Variants in NRDE2 observed in about 807,000 individuals in gnomAD.
NRDE2 encodes NRDE-2, necessary for RNA interference, domain containing.
NRDE2 carries 76 observed loss-of-function variants against 124.2 expected under a neutral mutation model. The ratio of observed to expected loss-of-function variants is 0.61; its 90% CI spans 0.51 to 0.74. NRDE2 has a LOEUF of 0.74. NRDE2 is among the 30% of genes least tolerant of loss of function. The probability of loss-of-function intolerance (pLI) is 0.00; values close to 1 mark genes in which losing one functional copy is unlikely to be tolerated. For synonymous variants in NRDE2, 489 were observed against 528.1 expected (o/e 0.93, Z 1.01); for missense variants, 1,314 against 1,417.3 (o/e 0.93, Z 1.17).
At position 90,271,869 on chromosome 14, in the gene NRDE2, T is replaced by C. The variant is rs1460235436; in HGVS notation, c.*6467A>G. On this transcript the variant is annotated 3_prime_UTR_variant, in exon 14 of 14. Transcript: ENST00000354366. ...AAGCAATTTGTGTTTAGTCTAGGTGTCTCATGCTTTATTTCAGAACAGATT... is the reference window on the plus strand; with the variant it reads ...AAGCAATTTGTGTTTAGTCTAGGTGCCTCATGCTTTATTTCAGAACAGATT... 6.5e-6 allele frequency: 1 copy of C among 153,076 alleles called. No individual in the cohort carries two copies. The allele number at this position is 153,076 out of a possible 1,614,324, so 9.5% of individuals were successfully genotyped here.
In NRDE2 at chr14:90,301,322, T is replaced by C. The variant is rs1267718171; in HGVS notation, c.1462A>G (p.Lys488Glu). The change falls in exon 7 of 14, where the codon AAG (lysine) becomes GAG (glutamate). Residue 488 changes from lysine (K) to glutamate (E), a missense_variant. Coordinates refer to ENST00000354366, the MANE Select transcript of NRDE2 (RefSeq NM_017970.4). ...ATGGCCTGGAACAATGAGATGGCCTTCTCAGAGTGGCCAGCCTGCCGCAGA... is the reference window on the plus strand; with the variant it reads ...ATGGCCTGGAACAATGAGATGGCCTCCTCAGAGTGGCCAGCCTGCCGCAGA... ...HFLRQAGHSE[K>E]AISLFQAMVD... is the part of the protein sequence containing the mutation. 21 of 1,613,656 alleles carry C rather than the reference T, an allele frequency of 1.3e-5. No individual in the cohort carries two copies. Among genetic ancestry groups the C allele is most frequent in the Non-Finnish European group, 1.7e-5 (20 of 1,179,888 alleles).
At chr14:90,287,572 G>C (rs1367520257) in intron 11 of NRDE2, among the ~76,000 whole-genome samples, 1 of 152,122 alleles carries the variant, frequency 6.6e-6, no homozygotes, top group Non-Finnish European at 1.5e-5. Context: ...AGTGAGCTGA[G>C]ACTGCACCAC....
rs761543425 is a variant in NRDE2, at chr14:90,312,410, G to A, written c.541C>T (p.Arg181Ter). 8.7e-6 allele frequency: 14 copies of A among 1,613,682 alleles called. No individual in the cohort carries two copies. Among genetic ancestry groups the A allele is most frequent in the East Asian group, 2.2e-5 (1 of 44,892 alleles). ...GGTGACTACCTTGCTATATCCCCTC[G>A]GTAGAGAGACTTGTACTCCCAGTTC... Reference protein sequence around the residue: ...PANWEYKSLYRGDIARYKRKG... With the variant: ...PANWEYKSLY The change falls in exon 4 of 14, where the codon CGA becomes TGA. Residue 181 changes from arginine (R) to a stop codon, truncating the protein, a stop_gained. Transcript: ENST00000354366. LOFTEE classifies it high-confidence loss of function.
Position 90,286,774 on chromosome 14 carries a change from C to A in NRDE2, c.3159-282G>T, listed in dbSNP as rs997542169. Among the ~76,000 whole-genome samples the A allele has an allele frequency of 2.6e-5, 4 of 152,118 alleles. No individual in the cohort carries two copies. In the East Asian group the frequency reaches 7.7e-4, roughly 29 times the overall value. The stretch of plus-strand genomic sequence containing the variant: ...CTAAAGAAAGCTACCCTTTGCTGGG[C>A]GCAATGGCTCATGCCTGTAATCCTA... On this transcript the variant is annotated intron_variant, in intron 11 of 13. Transcript: ENST00000354366.
At chr14:90,310,753 C>T (rs1884804931) in intron 4 of NRDE2, among the ~76,000 whole-genome samples, 1 of 152,118 alleles carries the variant, frequency 6.6e-6, no homozygotes, top group Admixed American at 6.5e-5. Flanking sequence ...CTCCTGACCT[C>T]AAGTGATCCC....
At chr14:90,290,174 CATGAA>C (rs746136435) in intron 10 of NRDE2, 42 bp downstream of exon 10, 2 of 1,583,594 alleles carry the variant, frequency 1.3e-6, no homozygotes, top group Admixed American at 1.7e-5. Context: ...TAAACACTGA[CATGAA>C]ATGAAAAGTC....
intron 1 of NRDE2, among the ~76,000 whole-genome samples, chr14:90,330,837 T>TAA (rs1325791046): frequency 1.3e-5 from 2 of 151,478 alleles, no homozygotes; most frequent in Non-Finnish European, 2.9e-5. Context: ...AGGAGAAACG[T>TAA]TACAGAAAGT....
chr14:90,328,990 A>C (rs1272106504), intron 1 of NRDE2, among the ~76,000 whole-genome samples: 1 of 152,252 alleles, frequency 6.6e-6, no homozygotes, highest in Non-Finnish European at 1.5e-5. Flanking sequence ...CTGACTGGTA[A>C]GTGAAAATGA....
intron 12 of NRDE2, chr14:90,280,127 G>A (rs11623736): frequency 6.7e-6 from 1 of 150,320 alleles, no homozygotes; most frequent in African/African-American, 2.5e-5. Flanking sequence ...GGTTTTTTTG[G>A]TTTTTTTTTT....
rs1891848083 is a variant in NRDE2, at chr14:90,278,151, TTG to T, written c.*183_*184del. 3.3e-6 allele frequency: 2 copies of T among 605,358 alleles called. No homozygotes were observed. Among genetic ancestry groups the T allele is most frequent in the Middle Eastern group, 4.5e-4 (1 of 2,220 alleles). The allele number at this position is 605,358 out of a possible 1,614,324, so 37.5% of individuals were successfully genotyped here. A position where few individuals can be genotyped will look rare whatever the true frequency, so the allele number is the denominator to read the frequency against. On this transcript the variant is annotated 3_prime_UTR_variant, in exon 14 of 14. Transcript: ENST00000354366. Reference sequence around the variant, plus strand: ...CACATATATAATATGTAAATAACTTTTGTGTCATTTACACACCCAAAAAGTGT... The same window carrying T: ...CACATATATAATATGTAAATAACTTTTGTCATTTACACACCCAAAAAGTGT...
Position 90,292,850 on chromosome 14 carries a change from T to TC in NRDE2, c.1688_1689insG (p.Glu564ArgfsTer3), listed in dbSNP as rs770798299. ...TATCTTTTATTTCCTGGTCATCCTCTTCTGGTTCATCGTCATCCTCATCTA... is the reference window on the plus strand; with the variant it reads ...TATCTTTTATTTCCTGGTCATCCTCTCTCTGGTTCATCGTCATCCTCATCTA... On this transcript the variant is annotated frameshift_variant, in exon 9 of 14. Transcript: ENST00000354366. LOFTEE classifies it high-confidence loss of function. 1.2e-6 allele frequency: 2 copies of TC among 1,614,028 alleles called. No individual in the cohort carries two copies. Among genetic ancestry groups the TC allele is most frequent in the South Asian group, 2.2e-5 (2 of 91,076 alleles).
chr14:90,314,573 G>C, intron 3 of NRDE2, among the ~76,000 whole-genome samples: 1 of 152,126 alleles, frequency 6.6e-6, no homozygotes, highest in East Asian at 1.9e-4. Context: ...TGTGGTTTCA[G>C]GAAATCCTTT....
chr14:90,272,504 C>T lies in NRDE2; in HGVS notation c.*5832G>A. 3.7e-6 allele frequency: 3 copies of T among 809,126 alleles called. No individual in the cohort carries two copies. Among genetic ancestry groups the T allele is most frequent in the Non-Finnish European group, 5.7e-6 (3 of 522,010 alleles). The allele number at this position is 809,126 out of a possible 1,614,324, so 50.1% of individuals were successfully genotyped here. On this transcript the variant is annotated 3_prime_UTR_variant, in exon 14 of 14. Transcript: ENST00000354366. This position sits in a 1 kb window ranked among gnomAD's most constrained non-coding sequence, Gnocchi z 4.5. ...TTGCCCAGAGGAATCCCTGTTCCCA[C>T]TGATTTTTATTAGCAAAACATCCTG...
rs1365412005 is a variant in NRDE2 at position 90,273,907 on chromosome 14, T to A, written c.*4429A>T. The A allele has an allele frequency of 6.5e-6, 1 of 154,910 alleles. No homozygotes were observed. The highest frequency in any genetic ancestry group is 1.9e-4 in the East Asian group (1 of 5,196). 9.6% of individuals were successfully genotyped at this position (154,910 alleles called of 1,614,324 possible). On this transcript the variant is annotated 3_prime_UTR_variant, in exon 14 of 14. Coordinates refer to ENST00000354366, the MANE Select transcript of NRDE2 (RefSeq NM_017970.4). ...CCTTCTTTCTGCCTGCCTTTTCTAT[T>A]CTTATGGATCCTTGTGATTGCATTG...
chr14:90,284,595 C>T (rs1892048993), intron 12 of NRDE2, among the ~76,000 whole-genome samples: 1 of 152,072 alleles, frequency 6.6e-6, no homozygotes, highest in Non-Finnish European at 1.5e-5. Context: ...TCTCGAACTC[C>T]TGACCTCAGG....
chr14:90,326,599 T>A (rs1266064248), intron 1 of NRDE2, among the ~76,000 whole-genome samples: 3 of 151,650 alleles, frequency 2.0e-5, no homozygotes, highest in Non-Finnish European at 1.5e-5. Flanking sequence ...AAAATGTTAG[T>A]CTGCAGGGGA....
At position 90,288,461 on chromosome 14, in the gene NRDE2, G is replaced by C; in HGVS notation, c.2914C>G (p.His972Asp). 1 of 1,614,202 alleles carries C rather than the reference G, an allele frequency of 6.2e-7. No homozygotes were observed. Among genetic ancestry groups the C allele is most frequent in the East Asian group, 2.2e-5 (1 of 44,874 alleles). Residue 972 changes from histidine to aspartate, a missense_variant, in exon 11 of 14, where the codon CAC (histidine) becomes GAC (aspartate). Physicochemically the swap from His to Asp is moderately conservative, Grantham distance 81 (BLOSUM62 -1). Transcript: ENST00000354366. ...TLMHTSLLRFHMKVSVYPLAP... is the reference protein window; with the variant it reads ...TLMHTSLLRFDMKVSVYPLAP... ...AGCGGGTAAACACTCACTTTCATGT[G>C]GAATCTCAGCAGGCTCGTGTGCATC...
Position 90,272,274 on chromosome 14 carries a change from C to T in NRDE2, c.*6062G>A. 6.2e-7 allele frequency: 1 copy of T among 1,601,908 alleles called. No individual in the cohort carries two copies. Among genetic ancestry groups the T allele is most frequent in the Non-Finnish European group, 8.5e-7 (1 of 1,177,622 alleles). The stretch of plus-strand genomic sequence containing the variant: ...TGAACACACTCTTCTTTCTTACAGG[C>T]AATCTGTACAGAAGCTGGTCTGATG... On this transcript the variant is annotated 3_prime_UTR_variant, in exon 14 of 14. Transcript: ENST00000354366. This position sits in a 1 kb window ranked among gnomAD's most constrained non-coding sequence, Gnocchi z 4.5.
rs1340329239 is a variant in NRDE2 at position 90,277,301 on chromosome 14, G to A, written c.*1035C>T. ...ATACACTGGCTTTTCTAAATGTGCT[G>A]AGGAGATACAAGTATACAGCAATTC... On this transcript the variant is annotated 3_prime_UTR_variant, in exon 14 of 14. Transcript: ENST00000354366. 1.5e-4 allele frequency: 23 copies of A among 152,246 alleles called. No homozygotes were observed. Among genetic ancestry groups the A allele is most frequent in the Admixed American group, 1.4e-3 (22 of 15,284 alleles). The allele number at this position is 152,246 out of a possible 1,614,324, so 9.4% of individuals were successfully genotyped here. A position where few individuals can be genotyped will look rare whatever the true frequency, so the allele number is the denominator to read the frequency against.
Sources: gnomAD v4.1 joint callset for allele counts (sites outside exome capture counted in the v4.1 genomes callset) on GRCh38, gnomAD v4.1.1 for gene constraint, Gnocchi (gnomAD v3.1) non-coding constraint, MANE v1.5 for transcripts, NCBI Gene and HGNC (gene_info 2026-07-23, HGNC 2026-07-21) for gene names.